DNAH11: variants seen among roughly 807,000 people sequenced by gnomAD.
The protein encoded by DNAH11 is dynein axonemal heavy chain 11.
A neutral mutation model predicts 526.0 loss-of-function variants in DNAH11; 442 were observed. That is an observed-to-expected ratio of 0.84 (90% CI 0.78 to 0.91). DNAH11 has a LOEUF of 0.91. Among genes scored for constraint, DNAH11 ranks in the 40% least tolerant of loss-of-function variants. DNAH11 has a pLI of 0.00. For missense variants in DNAH11, 6,989 were observed against 5,448.7 expected (o/e 1.28, Z -8.90); for synonymous variants, 2,461 against 1,935.9 (o/e 1.27, Z -7.12).
chr7:21,681,763 G>GT (rs760171188), intron 31 of DNAH11, 86 bp downstream of exon 31: 30 of 1,538,276 alleles, frequency 2.0e-5, no homozygotes, highest in South Asian at 4.5e-5. Context: ...GAAAGTCGTT[G>GT]TTTTTTTGAA....
At chr7:21,877,270 C>T (rs530980139) in intron 74 of DNAH11, among the ~76,000 whole-genome samples, 61 of 152,236 alleles carry the variant, frequency 4.0e-4, no homozygotes, top group African/African-American at 1.4e-3. Context: ...AGTGCAGCAG[C>T]ACACTTATAG....
At chr7:21,796,707 T>C (rs1171056475) in intron 61 of DNAH11, among the ~76,000 whole-genome samples, 1 of 152,208 alleles carries the variant, frequency 6.6e-6, no homozygotes, top group Non-Finnish European at 1.5e-5. Context: ...TGTTACATCT[T>C]AGCCCAGTAC....
In DNAH11 at chr7:21,606,615, C is replaced by CTTTTT. The variant is rs372802563; in HGVS notation, c.3766-16_3766-12dup. ...AATTGAAGTATTTGTTTGAAATTCA[C>CTTTTT]TTTTTTTTTTTTTTTTTTTTGCAAT... On this transcript the variant is annotated intron_variant, in intron 19 of 81. Coordinates refer to ENST00000409508, the MANE Select transcript of DNAH11 (RefSeq NM_001277115.2). 631 of 1,194,194 alleles carry CTTTTT rather than the reference C, an allele frequency of 5.3e-4. 18 individuals carry two copies. Among genetic ancestry groups the CTTTTT allele is most frequent in the South Asian group, 1.7e-3 (105 of 63,344 alleles). 74.0% of individuals were successfully genotyped at this position (1,194,194 alleles called of 1,614,324 possible).
Position 21,900,058 on chromosome 7 carries a change from C to G in DNAH11, c.13241C>G (p.Thr4414Arg). Residue 4414 changes from threonine to arginine, a missense_variant, in exon 81 of 82, where the codon ACA becomes AGA. Coordinates refer to ENST00000409508, the MANE Select transcript of DNAH11 (RefSeq NM_001277115.2). The part of the protein sequence containing the change: ...TRLTADVTKK[T>R]KEDYGHPPRE... ...TTGACTGCTGATGTTACCAAAAAAACAAAGGAAGATTATGGACACCCGCCA... is the reference window on the plus strand; with the variant it reads ...TTGACTGCTGATGTTACCAAAAAAAGAAAGGAAGATTATGGACACCCGCCA... 1 of 1,613,892 alleles carries G rather than the reference C, an allele frequency of 6.2e-7. No homozygotes were observed. Among genetic ancestry groups the G allele is most frequent in the Non-Finnish European group, 8.5e-7 (1 of 1,179,846 alleles).
At chr7:21,769,241 T>G (rs183429099) in intron 55 of DNAH11, among the ~76,000 whole-genome samples, 173 of 152,326 alleles carry the variant, frequency 1.1e-3, no homozygotes, top group African/African-American at 4.0e-3. Flanking sequence ...GTAAACATCC[T>G]TCCCCATTCT....
chr7:21,693,343 T>A (rs1312746288), intron 35 of DNAH11, among the ~76,000 whole-genome samples: 1 of 152,228 alleles, frequency 6.6e-6, no homozygotes, highest in Non-Finnish European at 1.5e-5. Flanking sequence ...GGAGGTATTT[T>A]ATTAATAGGT....
At chr7:21,640,875 TGAG>T (rs1787098288) in intron 28 of DNAH11, among the ~76,000 whole-genome samples, 1 of 152,168 alleles carries the variant, frequency 6.6e-6, no homozygotes, top group South Asian at 2.1e-4. Context: ...CCATTTATCA[TGAG>T]GAGGGGTTTA....
rs1376924636 is a variant in DNAH11 at position 21,892,602 on chromosome 7, T to C, written c.12685T>C (p.Leu4229=). Reference sequence around the variant, plus strand: ...GACATCCAACACTCTCTTCAGAACTTTGCTGGAGATGCAGCCCAGGAATGC... The same window carrying C: ...GACATCCAACACTCTCTTCAGAACTCTGCTGGAGATGCAGCCCAGGAATGC... The part of the protein sequence containing the change: ...TVTSNTLFRT[L]LEMQPRNALS... Residue 4229 remains leucine (L), a synonymous_variant, in exon 77 of 82, where the codon TTG becomes CTG. Transcript: ENST00000409508. 1.9e-6 allele frequency: 3 copies of C among 1,613,898 alleles called. No homozygotes were observed. The highest frequency in any genetic ancestry group is 2.7e-5 in the African/African-American group (2 of 75,046).
In DNAH11 at chr7:21,591,442, G is replaced by A. The variant is rs1261674558; in HGVS notation, c.2532G>A (p.Trp844Ter). 6.2e-7 allele frequency: 1 copy of A among 1,613,912 alleles called. No individual in the cohort carries two copies. Among genetic ancestry groups the A allele is most frequent in the Non-Finnish European group, 8.5e-7 (1 of 1,179,860 alleles). ...VKVIQQTMRG[W>*]ARCVLPPRRE... ...TGATCCAGCAGACCATGAGGGGCTG[G>A]GCCAGGTGCGTGCTACCTCCCAGGA... The change falls in exon 14 of 82, where the codon TGG becomes TGA. Residue 844 changes from tryptophan to a stop codon, truncating the protein, a stop_gained. Transcript: ENST00000409508. LOFTEE classifies it high-confidence loss of function.
chr7:21,803,494 T>C (rs753120759), intron 62 of DNAH11, among the ~76,000 whole-genome samples: 14 of 152,156 alleles, frequency 9.2e-5, no homozygotes, highest in Non-Finnish European at 2.1e-4. Flanking sequence ...TTTCTCCTTT[T>C]ATGAGAAAAG....
intron 26 of DNAH11, 26 bp downstream of exon 26, chr7:21,636,121 A>G (rs368083202): frequency 1.3e-6 from 2 of 1,550,774 alleles, no homozygotes; most frequent in Non-Finnish European, 1.8e-6. Flanking sequence ...GCTGTATGCT[A>G]TTCTAGCAAA....
At chr7:21,718,780 TTAAG>T (rs1166846258) in intron 43 of DNAH11, among the ~76,000 whole-genome samples, 1 of 152,156 alleles carries the variant, frequency 6.6e-6, no homozygotes, top group African/African-American at 2.4e-5. Context: ...TTTGTTACCA[TTAAG>T]TGAGTGTGTT....
intron 63 of DNAH11, among the ~76,000 whole-genome samples, chr7:21,812,929 C>T (rs911711329): frequency 5.3e-5 from 8 of 152,116 alleles, no homozygotes; most frequent in African/African-American, 1.9e-4. Flanking sequence ...TGGGGGAGAG[C>T]CTGGTTTTGC....
At chr7:21,794,142 G>C (rs1208082935) in intron 61 of DNAH11, among the ~76,000 whole-genome samples, 1 of 152,022 alleles carries the variant, frequency 6.6e-6, no homozygotes, top group African/African-American at 2.4e-5. Context: ...ATAAATTTCT[G>C]AATTGCTTTT....
At chr7:21,842,338 CAT>C (rs879867073) in intron 65 of DNAH11, among the ~76,000 whole-genome samples, 5 of 152,162 alleles carry the variant, frequency 3.3e-5, no homozygotes, top group East Asian at 3.8e-4. Context: ...CAATATTTCA[CAT>C]ATGAGGAAAC....
chr7:21,644,909 A>T (rs1029171251), intron 28 of DNAH11, among the ~76,000 whole-genome samples: 1 of 152,246 alleles, frequency 6.6e-6, no homozygotes, highest in Non-Finnish European at 1.5e-5. Context: ...TCCCATGGAG[A>T]TTATCCTTGA....
chr7:21,874,036 C>G (rs578040514), intron 74 of DNAH11, among the ~76,000 whole-genome samples: 1 of 151,598 alleles, frequency 6.6e-6, no homozygotes, highest in East Asian at 2.0e-4. Context: ...GGTGATCCAC[C>G]TGCCTCGGCC....
intron 46 of DNAH11, among the ~76,000 whole-genome samples, chr7:21,736,370 G>A (rs185501176): frequency 4.6e-5 from 7 of 152,268 alleles, no homozygotes; most frequent in African/African-American, 1.7e-4. Flanking sequence ...GGTAGGGTGA[G>A]CAAAAGAGAC....
chr7:21,707,628 C>A, intron 39 of DNAH11, 71 bp from the exon 40 acceptor site: 5 of 1,538,618 alleles, frequency 3.2e-6, no homozygotes, highest in African/African-American at 2.8e-5. Flanking sequence ...GAAAACTCTT[C>A]AGAAATCTTT....
Sources: allele counts gnomAD v4.1 joint callset (sites outside exome capture counted in the v4.1 genomes callset), GRCh38; gene constraint gnomAD v4.1.1; transcripts MANE v1.5; gene names NCBI Gene and HGNC (gene_info 2026-07-23, HGNC 2026-07-21).